TENM1: variants seen among roughly 807,000 people sequenced by gnomAD.
TENM1 encodes teneurin transmembrane protein 1, also known as teneurin-1.
In TENM1, 35 loss-of-function variants were observed where a neutral mutation model predicts 174.8. That is an observed-to-expected ratio of 0.20 (90% CI 0.15 to 0.27). The LOEUF (loss-of-function observed/expected upper bound fraction) is 0.27, where lower values mean the gene tolerates loss of function less well. Among genes scored for constraint, TENM1 ranks in the 10% least tolerant of loss-of-function variants. The pLI is 1.00. For synonymous variants in TENM1, 781 were observed against 798.7 expected (o/e 0.98, Z 0.37); for missense variants, 1,633 against 2,130.1 (o/e 0.77, Z 4.59).
chrX:125,005,407 T>TTGTGTG, the TENM1 span, among the ~76,000 whole-genome samples: 1,072 of 89,459 alleles, frequency 0.012, 9 homozygotes, highest in Middle Eastern at 0.017. Context: ...CCTGACTTGG[T>TTGTGTG]TGTGTGTGTG....
chrX:124,946,558 G>A, intron 1 of TENM1, among the ~76,000 whole-genome samples: 1 of 111,117 alleles, frequency 9.0e-6, no homozygotes, highest in Middle Eastern at 4.6e-3. Flanking sequence ...TAGGATAAGA[G>A]GAGGCTCAGA....
the TENM1 span, among the ~76,000 whole-genome samples, chrX:125,186,300 T>C: frequency 1.8e-5 from 2 of 111,911 alleles, no homozygotes; most frequent in Non-Finnish European, 3.8e-5. Flanking sequence ...TTAGAATTCA[T>C]GTCCCCTCAC....
chrX:125,046,780 T>C, the TENM1 span, among the ~76,000 whole-genome samples: 3 of 110,295 alleles, frequency 2.7e-5, no homozygotes, highest in Admixed American at 2.0e-4. Flanking sequence ...ACTCAGAAAA[T>C]TGAGACAAAA....
intron 1 of TENM1, among the ~76,000 whole-genome samples, chrX:124,939,181 C>A (rs778215941): frequency 8.9e-6 from 1 of 111,886 alleles, no homozygotes; most frequent in Non-Finnish European, 1.9e-5. Context: ...AATCTTACTC[C>A]GCCAATGATA....
the TENM1 span, among the ~76,000 whole-genome samples, chrX:124,993,047 A>G: frequency 9.0e-6 from 1 of 110,918 alleles, no homozygotes; most frequent in Admixed American, 9.6e-5. Context: ...AGTGTAAGCT[A>G]AGACTTGACA....
intron 3 of TENM1, among the ~76,000 whole-genome samples, chrX:124,819,842 T>C (rs770693826): frequency 6.4e-5 from 7 of 108,761 alleles, no homozygotes; most frequent in Admixed American, 2.0e-4. Flanking sequence ...GTTTCCCTGG[T>C]TGGAGCGCAG....
exon 4 of TENM1, chrX:124,737,122 G>A (rs768068820): frequency 8.3e-7 from 1 of 1,210,643 alleles, no homozygotes; most frequent in South Asian, 1.8e-5. Flanking sequence ...CCTGGCACAG[G>A]TGCAGGCATG....
intron 10 of TENM1, 108 bp from the exon 14 acceptor site, chrX:124,642,099 C>A: frequency 1.7e-6 from 1 of 577,490 alleles, no homozygotes; most frequent in Non-Finnish European, 2.9e-6. Context: ...TAGTTTATAT[C>A]ATCAATGCTG....
the TENM1 span, among the ~76,000 whole-genome samples, chrX:124,988,345 T>C: frequency 8.9e-6 from 1 of 112,009 alleles, no homozygotes; most frequent in Non-Finnish European, 1.9e-5. Context: ...TAAATTCTTC[T>C]AAAATTGACA....
intron 3 of TENM1, among the ~76,000 whole-genome samples, chrX:124,819,090 C>A (rs1338431424): frequency 1.8e-5 from 2 of 111,493 alleles, no homozygotes; most frequent in African/African-American, 6.5e-5. Context: ...TTCATATAAT[C>A]CAACAAAGAT....
intron 11 of TENM1, among the ~76,000 whole-genome samples, chrX:124,582,978 G>A (rs1383398365): frequency 8.9e-6 from 1 of 112,488 alleles, no homozygotes; most frequent in Non-Finnish European, 1.9e-5. Flanking sequence ...GCGACGCTGG[G>A]GGAGGGGCAC....
At chrX:124,758,694 T>G (rs1478880469) in intron 3 of TENM1, among the ~76,000 whole-genome samples, 1 of 111,633 alleles carries the variant, frequency 9.0e-6, no homozygotes, top group Admixed American at 9.5e-5. Context: ...GATTGAATAT[T>G]ATTCAGCCTT....
chrX:124,662,708 A>AT (rs1368856371), intron 6 of TENM1, among the ~76,000 whole-genome samples: 1 of 110,971 alleles, frequency 9.0e-6, no homozygotes, highest in Non-Finnish European at 1.9e-5. Flanking sequence ...ACTAGGAGTG[A>AT]TTTTTCTTGT....
At chrX:124,932,927 T>C (rs1038616528) in intron 1 of TENM1, among the ~76,000 whole-genome samples, 1 of 111,983 alleles carries the variant, frequency 8.9e-6, no homozygotes, top group African/African-American at 3.2e-5. Flanking sequence ...CAGGCATCTC[T>C]GCATACTTAG....
intron 3 of TENM1, among the ~76,000 whole-genome samples, chrX:124,747,529 G>C (rs1413367775): frequency 9.5e-6 from 1 of 105,109 alleles, no homozygotes; most frequent in Non-Finnish European, 2.0e-5. Flanking sequence ...TTTTGCCATG[G>C]AAAGTGATGG....
At position 124,726,100 on chromosome X, in the gene TENM1, A is replaced by G. The variant is rs1281983050; in HGVS notation, c.776+10857T>C. 6.2e-5 allele frequency among the ~76,000 whole-genome samples: 7 copies of G among 112,589 alleles called. No homozygotes were observed. The East Asian group carries it at 2.0e-3, about 32-fold the overall frequency. ...GTTTGCTATACTCGTATATTACATCAATCAACTCATTTTTAAAAATTCCCT... is the reference window on the plus strand; with the variant it reads ...GTTTGCTATACTCGTATATTACATCGATCAACTCATTTTTAAAAATTCCCT... On this transcript the variant is annotated intron_variant, in intron 4 of 31. Coordinates refer to ENST00000422452, the Ensembl canonical transcript of TENM1.
At chrX:124,846,832 G>C (rs2056617968) in intron 3 of TENM1, among the ~76,000 whole-genome samples, 1 of 111,166 alleles carries the variant, frequency 9.0e-6, no homozygotes, top group African/African-American at 3.3e-5. Context: ...TATAAATAAA[G>C]CTGCCATCAG....
intron 1 of TENM1, among the ~76,000 whole-genome samples, chrX:124,915,115 C>T (rs1239444286): frequency 8.9e-6 from 1 of 111,833 alleles, no homozygotes; most frequent in East Asian, 2.8e-4. Context: ...ATCTCACTTC[C>T]TTGACCCTCC....
chrX:124,631,630 T>C (rs2050757508), intron 11 of TENM1, among the ~76,000 whole-genome samples: 1 of 111,104 alleles, frequency 9.0e-6, no homozygotes, highest in South Asian at 3.8e-4. Flanking sequence ...CTGGATGCAG[T>C]GGCTCGTGCC....
Sources: allele counts gnomAD v4.1 joint callset (sites outside exome capture counted in the v4.1 genomes callset), GRCh38; gene constraint gnomAD v4.1.1; transcripts MANE v1.5; gene names NCBI Gene and HGNC (gene_info 2026-07-23, HGNC 2026-07-21).